RNF220: variants seen among roughly 807,000 people sequenced by gnomAD.
The protein encoded by RNF220 is ring finger protein 220, also known as E3 ubiquitin-protein ligase RNF220.
RNF220 carries 7 observed loss-of-function variants against 67.1 expected under a neutral mutation model. That is an observed-to-expected ratio of 0.10 (90% CI 0.06 to 0.20). The LOEUF (loss-of-function observed/expected upper bound fraction) is 0.20, where lower values mean the gene tolerates loss of function less well. Among genes scored for constraint, RNF220 ranks in the 10% least tolerant of loss-of-function variants. The pLI is 1.00. For missense variants in RNF220, 565 were observed against 740.3 expected, an observed-to-expected ratio of 0.76 and a Z score of 2.75; for synonymous variants, 270 against 283.2, an observed-to-expected ratio of 0.95 and a Z score of 0.47.
intron 2 of RNF220, among the ~76,000 whole-genome samples, chr1:44,467,533 C>G (rs963937943): frequency 6.6e-6 from 1 of 152,174 alleles, no homozygotes; most frequent in Non-Finnish European, 1.5e-5. Flanking sequence ...TCTTCTGCAG[C>G]TTCCTCACAT....
chr1:44,605,350 C>G (rs1667201711), intron 2 of RNF220, among the ~76,000 whole-genome samples: 1 of 151,352 alleles, frequency 6.6e-6, no homozygotes. Flanking sequence ...GCTGACCAGA[C>G]TAGACCAGAG....
chr1:44,421,651 G>T, intron 2 of RNF220, among the ~76,000 whole-genome samples: 1 of 151,206 alleles, frequency 6.6e-6, no homozygotes. Flanking sequence ...GGTTGGGCGG[G>T]GCATAGTGTC....
chr1:44,467,561 A>T (rs561285929), intron 2 of RNF220, among the ~76,000 whole-genome samples: 26 of 152,254 alleles, frequency 1.7e-4, no homozygotes, highest in Admixed American at 1.1e-3. Flanking sequence ...CCTTCATAGA[A>T]CTGAAGAGAG....
chr1:44,443,234 T>C (rs1651744333), intron 2 of RNF220, among the ~76,000 whole-genome samples: 1 of 152,160 alleles, frequency 6.6e-6, no homozygotes, highest in Non-Finnish European at 1.5e-5. Context: ...TCTCCCTTTG[T>C]ATTGCCTATT....
In RNF220 at chr1:44,469,586, A is replaced by C. The variant is rs573198165; in HGVS notation, c.625+56864A>C. The stretch of plus-strand genomic sequence containing the variant: ...ATTCATTCATTCATTCATTCACTAA[A>C]TATTTACTGAGTTCCTTCTATGTGT... On this transcript the variant is annotated intron_variant, in intron 2 of 14. Coordinates refer to ENST00000361799, the MANE Select transcript of RNF220 (RefSeq NM_018150.4). 2.7e-5 allele frequency among the ~76,000 whole-genome samples: 4 copies of C among 148,368 alleles called. No individual in the cohort carries two copies. In the South Asian group the frequency reaches 8.7e-4, roughly 32 times the overall value.
intron 2 of RNF220, among the ~76,000 whole-genome samples, chr1:44,611,723 TTTTTG>T (rs1643319927): frequency 1.3e-5 from 2 of 151,954 alleles, no homozygotes; most frequent in Non-Finnish European, 2.9e-5. Context: ...ACGGGCTCTC[TTTTTG>T]CCTTTCCTAC....
rs59581729 is a variant in RNF220 at position 44,462,299 on chromosome 1, A to T, written c.625+49577A>T. Among the ~76,000 whole-genome samples the T allele has an allele frequency of 6.2e-3, 946 of 152,282 alleles. 12 individuals are homozygous for T. Among genetic ancestry groups the T allele is most frequent in the African/African-American group, 0.022 (895 of 41,564 alleles). ...ATTAAAATTCCTGTGTTTATAGTGT[A>T]TAAGTCTGTAGCAATACTACTAACA... is the stretch of plus-strand genomic sequence containing the variant. On this transcript the variant is annotated intron_variant, in intron 2 of 14. Coordinates refer to ENST00000361799, the MANE Select transcript of RNF220 (RefSeq NM_018150.4).
chr1:44,405,804 G>A (rs985094899), intron 1 of RNF220, among the ~76,000 whole-genome samples: 2 of 147,106 alleles, frequency 1.4e-5, no homozygotes, highest in African/African-American at 4.9e-5. Context: ...TTTATTTGGG[G>A]AGGGGGGGAG....
chr1:44,449,891 G>T (rs1323446264), intron 2 of RNF220, among the ~76,000 whole-genome samples: 2 of 152,106 alleles, frequency 1.3e-5, no homozygotes, highest in East Asian at 3.8e-4. Context: ...TCCACGTAAC[G>T]GAGATACAGA....
At chr1:44,592,083 G>T (rs185063937) in intron 2 of RNF220, among the ~76,000 whole-genome samples, 1 of 152,238 alleles carries the variant, frequency 6.6e-6, no homozygotes, top group Admixed American at 6.5e-5. Context: ...GTTTGGAAAA[G>T]GACATGATAA....
intron 2 of RNF220, chr1:44,423,877 A>T: frequency 1.0e-6 from 1 of 985,466 alleles, no homozygotes; most frequent in Non-Finnish European, 1.2e-6. Context: ...GTATTGAAGA[A>T]GGAAAAAAAG....
At chr1:44,470,008 A>G (rs986206160) in intron 2 of RNF220, among the ~76,000 whole-genome samples, 2 of 133,410 alleles carry the variant, frequency 1.5e-5, no homozygotes, top group African/African-American at 5.9e-5. Context: ...CATCCTGATC[A>G]GAGTCACATT....
At chr1:44,427,584 C>T (rs1649923228) in intron 2 of RNF220, among the ~76,000 whole-genome samples, 1 of 152,164 alleles carries the variant, frequency 6.6e-6, no homozygotes, top group Admixed American at 6.5e-5. Context: ...GTCAAACATA[C>T]CCTTTGGTGG....
intron 2 of RNF220, among the ~76,000 whole-genome samples, chr1:44,511,957 C>T (rs991646065): frequency 1.1e-5 from 1 of 92,328 alleles, no homozygotes; most frequent in African/African-American, 4.5e-5. Flanking sequence ...GTAAGTATGC[C>T]TAAGGGCCAA....
chr1:44,434,689 C>G (rs1177057672), intron 2 of RNF220, among the ~76,000 whole-genome samples: 1 of 149,470 alleles, frequency 6.7e-6, no homozygotes. Context: ...TGCACTCCAG[C>G]CTGGGCGACA....
chr1:44,423,799 G>T (rs1649466163), intron 2 of RNF220: 3 of 981,332 alleles, frequency 3.1e-6, no homozygotes, highest in African/African-American at 1.8e-5. Flanking sequence ...TCTTGGCAAA[G>T]TTTCCTCTGG....
chr1:44,615,869 A>G (rs77171133), intron 3 of RNF220, among the ~76,000 whole-genome samples: 5,878 of 152,274 alleles, frequency 0.039, 368 homozygotes, highest in East Asian at 0.21. Context: ...GTGGTCATCA[A>G]TTCAGGAACA....
intron 2 of RNF220, among the ~76,000 whole-genome samples, chr1:44,436,557 T>C (rs1168054211): frequency 1.3e-5 from 2 of 152,170 alleles, no homozygotes; most frequent in African/African-American, 2.4e-5. Context: ...TTGAACCATG[T>C]GGTTTCTGAG....
At chr1:44,646,595 C>G (rs1462161678) in intron 12 of RNF220, among the ~76,000 whole-genome samples, 1 of 152,200 alleles carries the variant, frequency 6.6e-6, no homozygotes, top group Non-Finnish European at 1.5e-5. Context: ...CCACCCTCGT[C>G]TGGAGGGGCT....
Sources: gnomAD v4.1 joint callset for allele counts (sites outside exome capture counted in the v4.1 genomes callset) on GRCh38, gnomAD v4.1.1 for gene constraint, MANE v1.5 for transcripts, NCBI Gene and HGNC (gene_info 2026-07-23, HGNC 2026-07-21) for gene names.